Variants in ANO1 observed in about 807,000 individuals in gnomAD.
ANO1 encodes the protein anoctamin-1.
Under a neutral mutation model 124.0 loss-of-function variants are expected in ANO1, and 59 were observed. The ratio of observed to expected loss-of-function variants is 0.48; its 90% confidence interval spans 0.39 to 0.59. The LOEUF (loss-of-function observed/expected upper bound fraction) is 0.59, where lower values mean the gene tolerates loss of function less well. Ranked by LOEUF, ANO1 falls within the 20% of genes least tolerant of loss-of-function variation. The pLI is 0.00. For missense variants in ANO1, 1,059 were observed against 1,328.0 expected, an observed-to-expected ratio of 0.80 and a Z score of 3.15; for synonymous variants, 529 against 532.0, an observed-to-expected ratio of 0.99 and a Z score of 0.08.
chr11:70,114,158 A>G (rs914663997), intron 7 of ANO1, among the ~76,000 whole-genome samples: 1 of 152,240 alleles, frequency 6.6e-6, no homozygotes, highest in African/African-American at 2.4e-5. Flanking sequence ...TTATGCAGCC[A>G]TGTGGGGTCT....
Position 70,187,747 on chromosome 11 carries a change from A to T in ANO1, c.2704A>T (p.Met902Leu), listed in dbSNP as rs369805778. ...TTGCCTCTCCTTCCAGAACCTGGTC[A>T]TGTTCATGAGCGACTTTGTGGACTG... Reference protein sequence around the residue: ...AFVIVFQNLVMFMSDFVDWVI... With the variant: ...AFVIVFQNLVLFMSDFVDWVI... The change falls in exon 26 of 26, where the codon ATG (methionine) becomes TTG (leucine). Residue 902 changes from methionine to leucine, a missense_variant. Met to Leu is a conservative substitution (Grantham distance 15). Transcript: ENST00000355303. 2 of 1,607,960 alleles carry T rather than the reference A, an allele frequency of 1.2e-6. No individual in the cohort carries two copies. The highest frequency in any genetic ancestry group is 1.7e-6 in the Non-Finnish European group (2 of 1,177,538).
chr11:70,113,013 CAG>C (rs2135415109), intron 7 of ANO1, among the ~76,000 whole-genome samples: 1 of 152,300 alleles, frequency 6.6e-6, no homozygotes, highest in East Asian at 1.9e-4. Flanking sequence ...GCCTCCCTGT[CAG>C]GGCCTCCTCC....
intron 9 of ANO1, among the ~76,000 whole-genome samples, chr11:70,125,452 G>T (rs1316298238): frequency 4.7e-5 from 7 of 147,576 alleles, no homozygotes; most frequent in Non-Finnish European, 1.0e-4. Flanking sequence ...AGAGGCGGAG[G>T]TTGCAGTGAG....
At chr11:70,002,030 A>G (rs1856391626) in intron 1 of ANO1, among the ~76,000 whole-genome samples, 1 of 152,222 alleles carries the variant, frequency 6.6e-6, no homozygotes, top group South Asian at 2.1e-4. Context: ...AACCACATAC[A>G]GAGCAACGGT....
At chr11:69,989,928 T>A (rs530534735) in intron 1 of ANO1, among the ~76,000 whole-genome samples, 3 of 152,144 alleles carry the variant, frequency 2.0e-5, no homozygotes, top group Non-Finnish European at 4.4e-5. Flanking sequence ...GAGGTTTGGG[T>A]GGGGATAAGT....
At chr11:70,006,663 C>CTTTTTTTTT (rs56851839) in intron 1 of ANO1, among the ~76,000 whole-genome samples, 5 of 88,994 alleles carry the variant, frequency 5.6e-5, no homozygotes, top group Non-Finnish European at 8.4e-5. Context: ...TTTCTTCTTT[C>CTTTTTTTTT]TTTTTTTTTT....
intron 1 of ANO1, among the ~76,000 whole-genome samples, chr11:70,046,954 C>T (rs1555005724): frequency 1.3e-5 from 2 of 151,756 alleles, no homozygotes; most frequent in Non-Finnish European, 2.9e-5. Flanking sequence ...GGTTCAGGCA[C>T]CTGTAATTCC....
chr11:70,009,103 T>C (rs966209918), intron 1 of ANO1, among the ~76,000 whole-genome samples: 18 of 152,274 alleles, frequency 1.2e-4, no homozygotes, highest in African/African-American at 3.9e-4. Flanking sequence ...CTGGAGACAA[T>C]GGAGTGTCCT....
intron 14 of ANO1, among the ~76,000 whole-genome samples, chr11:70,154,529 C>T (rs1052151747): frequency 1.4e-5 from 2 of 141,424 alleles, no homozygotes; most frequent in Non-Finnish European, 3.0e-5. Context: ...TGCAGTGGCG[C>T]GATCTCAGCT....
chr11:69,983,370 A>G (rs1292594862), upstream of ANO1, among the ~76,000 whole-genome samples: 2 of 152,128 alleles, frequency 1.3e-5, no homozygotes, highest in East Asian at 1.9e-4. Context: ...ATTTTTCTGT[A>G]ATTACAAGCA....
intron 1 of ANO1, among the ~76,000 whole-genome samples, chr11:70,044,894 C>T (rs1459424400): frequency 1.3e-5 from 2 of 152,124 alleles, no homozygotes; most frequent in Non-Finnish European, 2.9e-5. Flanking sequence ...CTGTTAAAGA[C>T]ATTATTGGAA....
chr11:70,085,703 A>G, intron 1 of ANO1: 1 of 1,447,246 alleles, frequency 6.9e-7, no homozygotes, highest in Non-Finnish European at 9.1e-7. Context: ...GCCCTGGCCC[A>G]GAGCCTCCTC....
rs977303957 is a variant in ANO1, at chr11:70,183,617, G to A, written c.2588+931G>A. On this transcript the variant is annotated intron_variant, in intron 24 of 25. Coordinates refer to ENST00000355303, the MANE Select transcript of ANO1 (RefSeq NM_018043.7). ...AGAATAAAGAGGAACGAGCTGGTGC[G>A]TGTGGCTTCTGACACTGGGAGGACA... Among the ~76,000 whole-genome samples the A allele has an allele frequency of 2.1e-4, 32 of 152,212 alleles. 2 individuals carry two copies. The highest frequency in any genetic ancestry group is 9.6e-5 in the African/African-American group (4 of 41,458).
chr11:69,981,323 T>A (rs1313557130), upstream of ANO1, among the ~76,000 whole-genome samples: 2 of 152,220 alleles, frequency 1.3e-5, no homozygotes, highest in Non-Finnish European at 2.9e-5. Flanking sequence ...GAGCCTCTGA[T>A]TCCTTATCTG....
At position 70,163,320 on chromosome 11, in the gene ANO1, C is replaced by T. The variant is rs367661774; in HGVS notation, c.1930C>T (p.Arg644Cys). The T allele has an allele frequency of 5.0e-6, 8 of 1,613,884 alleles. No homozygotes were observed. The highest frequency in any genetic ancestry group is 3.3e-5 in the Admixed American group (2 of 60,006). The change falls in exon 19 of 26, where the codon CGT becomes TGT. Residue 644 changes from arginine to cysteine, a missense_variant. Physicochemically the swap from Arg to Cys is radical, Grantham distance 180. Around this residue, in one of 2 missense-constraint regions of ANO1, gnomAD observed 809 missense variants for 1,094.9 expected, o/e 0.74. Transcript: ENST00000355303. ...GRPGDYVYIF[R>C]SFRMEECAPG... ...CCCGGGCGACTACGTGTACATTTTC[C>T]GTTCCTTCCGAATGGAAGAGGTAAC...
chr11:70,049,634 G>A (rs1315459186), intron 1 of ANO1, among the ~76,000 whole-genome samples: 7 of 152,192 alleles, frequency 4.6e-5, no homozygotes, highest in East Asian at 1.9e-4. Context: ...GTGAATGAAC[G>A]AATAAGTAAG....
chr11:70,069,974 G>A (rs952761086), intron 1 of ANO1, among the ~76,000 whole-genome samples: 6 of 152,190 alleles, frequency 3.9e-5, no homozygotes, highest in Non-Finnish European at 8.8e-5. Context: ...ATATGACACG[G>A]ATCTTTGGAT....
intron 1 of ANO1, among the ~76,000 whole-genome samples, chr11:70,055,446 T>C (rs974846307): frequency 5.3e-5 from 8 of 152,052 alleles, no homozygotes; most frequent in Middle Eastern, 3.2e-3. Flanking sequence ...TAGTAAAATT[T>C]CTTATTTTGA....
At chr11:70,014,688 T>A (rs1555001655) in intron 1 of ANO1, among the ~76,000 whole-genome samples, 1 of 152,076 alleles carries the variant, frequency 6.6e-6, no homozygotes, top group Non-Finnish European at 1.5e-5. Context: ...GGTTGTGGGT[T>A]CATACAGTTT....
Sources: allele counts gnomAD v4.1 joint callset (sites outside exome capture counted in the v4.1 genomes callset), GRCh38; gene constraint gnomAD v4.1.1; regional missense constraint gnomAD v4.1.1; transcripts MANE v1.5; gene names NCBI Gene and HGNC (gene_info 2026-07-23, HGNC 2026-07-21).